Variants in GAS2 observed in about 807,000 individuals in gnomAD.
GAS2 encodes growth arrest-specific protein 2.
A neutral mutation model predicts 37.5 loss-of-function variants in GAS2; 20 were observed. The ratio of observed to expected loss-of-function variants is 0.53; its 90% CI spans 0.37 to 0.77. The LOEUF is 0.77. Ranked by LOEUF, GAS2 falls within the 30% of genes least tolerant of loss-of-function variation. GAS2 has a pLI of 0.00. For synonymous variants in GAS2, 144 were observed against 132.2 expected (o/e 1.09, Z -0.61); for missense variants, 336 against 373.4 (o/e 0.90, Z 0.82).
chr11:22,704,227 G>A (rs553551667), intron 3 of GAS2, among the ~76,000 whole-genome samples: 33 of 152,106 alleles, frequency 2.2e-4, no homozygotes, highest in African/African-American at 7.5e-4. Context: ...TTAGGCACTT[G>A]GGTGAAGCCT....
chr11:22,643,503 A>G (rs577320041), intron 1 of GAS2, among the ~76,000 whole-genome samples: 7 of 151,708 alleles, frequency 4.6e-5, no homozygotes, highest in Non-Finnish European at 8.8e-5. Context: ...AATGGCAATC[A>G]TATTAACAGA....
intron 7 of GAS2, among the ~76,000 whole-genome samples, chr11:22,783,144 G>C (rs1855647918): frequency 6.6e-6 from 1 of 152,080 alleles, no homozygotes; most frequent in African/African-American, 2.4e-5. Flanking sequence ...ATTCTGACTG[G>C]TACAAGATAG....
chr11:22,663,925 A>G (rs966979649), upstream of GAS2, among the ~76,000 whole-genome samples: 8 of 152,226 alleles, frequency 5.3e-5, no homozygotes, highest in African/African-American at 1.7e-4. Context: ...TGGGAAAAAT[A>G]AACATATTTG....
At chr11:22,715,949 A>C (rs1340880636) in intron 3 of GAS2, among the ~76,000 whole-genome samples, 3 of 152,230 alleles carry the variant, frequency 2.0e-5, no homozygotes, top group Non-Finnish European at 4.4e-5. Flanking sequence ...AATCCTTAAC[A>C]AAGTACTAGC....
chr11:22,693,426 C>A (rs1401337330), intron 3 of GAS2, among the ~76,000 whole-genome samples: 1 of 152,086 alleles, frequency 6.6e-6, no homozygotes, highest in Non-Finnish European at 1.5e-5. Flanking sequence ...TCATGTCAAT[C>A]TTTTTTTACT....
At chr11:22,646,576 C>T (rs112964367) in intron 1 of GAS2, among the ~76,000 whole-genome samples, 2 of 152,154 alleles carry the variant, frequency 1.3e-5, no homozygotes, top group Non-Finnish European at 2.9e-5. Flanking sequence ...GGACTTCTGA[C>T]AGCATTAAAG....
chr11:22,799,989 G>C (rs956496386), intron 7 of GAS2, among the ~76,000 whole-genome samples: 5 of 152,016 alleles, frequency 3.3e-5, no homozygotes, highest in African/African-American at 1.2e-4. Context: ...ATGTATAAAG[G>C]CAGGAAACTT....
chr11:22,748,904 A>G (rs1417034085), intron 5 of GAS2, among the ~76,000 whole-genome samples: 1 of 152,082 alleles, frequency 6.6e-6, no homozygotes, highest in African/African-American at 2.4e-5. Flanking sequence ...GTGTGTCCAT[A>G]TATGTACACG....
At position 22,789,429 on chromosome 11, in the gene GAS2, T is replaced by TATAAATATATATATATATAA. The variant is rs1564889865; in HGVS notation, c.724-22366_724-22365insAATATATATATATATAAATA. On this transcript the variant is annotated intron_variant, in intron 7 of 7. Transcript: ENST00000454584. ...ATGTGTGTGTATCTCATATGAGATATATATATATATATATATATATATATA... is the reference window on the plus strand; with the variant it reads ...ATGTGTGTGTATCTCATATGAGATATATAAATATATATATATATAAATATATATATATATATATATATATA... 4.0e-4 allele frequency among the ~76,000 whole-genome samples: 35 copies of TATAAATATATATATATATAA among 86,812 alleles called. 2 individuals carry two copies. The highest frequency in any genetic ancestry group is 1.3e-3 in the African/African-American group (26 of 20,314). The allele number at this position is 86,812 out of a possible 152,430, so 57.0% of individuals were successfully genotyped here. A position where few individuals can be genotyped will look rare whatever the true frequency, so the allele number is the denominator to read the frequency against.
At chr11:22,755,073 G>A (rs1015508474) in intron 6 of GAS2, among the ~76,000 whole-genome samples, 2 of 152,040 alleles carry the variant, frequency 1.3e-5, no homozygotes, top group Non-Finnish European at 1.5e-5. Context: ...TCCTAAAATC[G>A]TGGACTATTA....
intron 3 of GAS2, among the ~76,000 whole-genome samples, chr11:22,725,243 GA>G (rs1852144848): frequency 6.6e-6 from 1 of 152,110 alleles, no homozygotes; most frequent in African/African-American, 2.4e-5. Context: ...ATGGTTAACA[GA>G]AAAGTCTATC....
rs918858608 is a variant in GAS2 at position 22,666,900 on chromosome 11, G to C, written c.-21+1G>C. 1 of 152,418 alleles carries C rather than the reference G, an allele frequency of 6.6e-6. No individual in the cohort carries two copies. The highest frequency in any genetic ancestry group is 6.5e-5 in the Admixed American group (1 of 15,284). The allele number at this position is 152,418 out of a possible 1,614,324, so 9.4% of individuals were successfully genotyped here. On this transcript the variant is annotated splice_donor_variant, in intron 1 of 7. Coordinates refer to ENST00000454584, the MANE Select transcript of GAS2 (RefSeq NM_001143830.3). LOFTEE classifies it low-confidence loss of function (5UTR_SPLICE). ...CAGCAGCCCAGCTCGGGACGCGGGGGTGAGCACGACTGGCTGGCCCAGTTC... is the reference window on the plus strand; with the variant it reads ...CAGCAGCCCAGCTCGGGACGCGGGGCTGAGCACGACTGGCTGGCCCAGTTC...
At chr11:22,669,789 T>G (rs904216863) in intron 1 of GAS2, among the ~76,000 whole-genome samples, 6 of 152,218 alleles carry the variant, frequency 3.9e-5, no homozygotes, top group Non-Finnish European at 8.8e-5. Context: ...TTGGTGCTTT[T>G]CAATTTGTGG....
chr11:22,800,976 G>A (rs957853119), intron 7 of GAS2, among the ~76,000 whole-genome samples: 6 of 151,778 alleles, frequency 4.0e-5, no homozygotes, highest in Non-Finnish European at 8.8e-5. Context: ...CTCCTATGTG[G>A]CCATTACTTT....
intron 7 of GAS2, among the ~76,000 whole-genome samples, chr11:22,796,058 A>G (rs868635150): frequency 6.6e-6 from 1 of 152,122 alleles, no homozygotes; most frequent in Non-Finnish European, 1.5e-5. Context: ...TTGCTTTATC[A>G]TATATTTTTC....
intron 7 of GAS2, among the ~76,000 whole-genome samples, chr11:22,787,584 GAAAA>G (rs1357931132): frequency 5.3e-5 from 8 of 151,456 alleles, no homozygotes; most frequent in African/African-American, 9.7e-5. Context: ...GAAAAAAAAA[GAAAA>G]AAGAAAAAGA....
chr11:22,657,826 T>C (rs1250744917), intron 1 of GAS2, among the ~76,000 whole-genome samples: 1 of 152,202 alleles, frequency 6.6e-6, no homozygotes, highest in Non-Finnish European at 1.5e-5. Context: ...TTACTTTTAA[T>C]GCATTTTATT....
At chr11:22,752,843 T>G (rs1184498381) in intron 6 of GAS2, among the ~76,000 whole-genome samples, 1 of 152,034 alleles carries the variant, frequency 6.6e-6, no homozygotes, top group African/African-American at 2.4e-5. Flanking sequence ...AGGGGAATAG[T>G]GGGAAAAAAT....
intron 1 of GAS2, among the ~76,000 whole-genome samples, chr11:22,646,581 T>C (rs1848697298): frequency 1.3e-5 from 2 of 152,206 alleles, no homozygotes; most frequent in Admixed American, 1.3e-4. Context: ...TCTGACAGCA[T>C]TAAAGGAAAT....
Sources: allele counts gnomAD v4.1 joint callset (sites outside exome capture counted in the v4.1 genomes callset), GRCh38; gene constraint gnomAD v4.1.1; transcripts MANE v1.5; gene names NCBI Gene and HGNC (gene_info 2026-07-23, HGNC 2026-07-21).